DNAH5: variants seen among roughly 807,000 people sequenced by gnomAD.
DNAH5 encodes the protein axonemal beta dynein heavy chain 5.
A neutral mutation model predicts 518.2 loss-of-function variants in DNAH5; 372 were observed. The ratio of observed to expected loss-of-function variants is 0.72; its 90% CI spans 0.66 to 0.78. DNAH5 has a LOEUF of 0.78. DNAH5 is among the 30% of genes least tolerant of loss of function. The pLI is 0.00. For synonymous variants in DNAH5, 2,039 were observed against 2,025.9 expected, an observed-to-expected ratio of 1.01 and a Z score of -0.17; for missense variants, 5,523 against 5,687.0, an observed-to-expected ratio of 0.97 and a Z score of 0.93.
intron 24 of DNAH5, among the ~76,000 whole-genome samples, chr5:13,870,365 T>C (rs1256556641): frequency 6.6e-6 from 1 of 152,170 alleles, no homozygotes; most frequent in African/African-American, 2.4e-5. Context: ...CATTTCCTAC[T>C]GACTTAGGAG....
intron 45 of DNAH5, among the ~76,000 whole-genome samples, 159 bp downstream of exon 45, chr5:13,809,900 A>G (rs1047548732): frequency 6.6e-6 from 1 of 152,256 alleles, no homozygotes; most frequent in Non-Finnish European, 1.5e-5. Context: ...GATTTTTTAA[A>G]AAGAAACCAC....
intron 76 of DNAH5, among the ~76,000 whole-genome samples, chr5:13,705,236 C>T (rs1227569284): frequency 6.6e-6 from 1 of 152,076 alleles, no homozygotes; most frequent in Non-Finnish European, 1.5e-5. Flanking sequence ...CCTTGTGATC[C>T]GCCTGCCTTG....
At chr5:13,937,554 TG>T (rs1319221732) in intron 1 of DNAH5, among the ~76,000 whole-genome samples, 2 of 122,456 alleles carry the variant, frequency 1.6e-5, no homozygotes, top group African/African-American at 7.5e-5. Flanking sequence ...TACTCACTGC[TG>T]CTTCCATCTG....
At chr5:13,916,731 T>C (rs536161875) in intron 8 of DNAH5, among the ~76,000 whole-genome samples, 2 of 152,176 alleles carry the variant, frequency 1.3e-5, no homozygotes, top group South Asian at 2.1e-4. Context: ...GGATAAACTG[T>C]TAATAACAGT....
At chr5:13,902,167 C>A (rs1774718116) in intron 12 of DNAH5, 29 bp from the exon 13 acceptor site, 4 of 1,503,900 alleles carry the variant, frequency 2.7e-6, no homozygotes, top group South Asian at 2.3e-5. Flanking sequence ...TGATGATGAA[C>A]AATAGAATTG....
chr5:13,983,184 G>A (rs906133837), intron 1 of DNAH5, among the ~76,000 whole-genome samples: 2 of 152,188 alleles, frequency 1.3e-5, no homozygotes, highest in Non-Finnish European at 2.9e-5. Context: ...GTGCCCAGCT[G>A]CCTCCATGCT....
At chr5:13,810,329 T>C (rs1760452992) in intron 44 of DNAH5, 69 bp from the exon 45 acceptor site, 1 of 1,366,244 alleles carries the variant, frequency 7.3e-7, no homozygotes, top group African/African-American at 1.5e-5. Context: ...AGGGTTTCAA[T>C]GGGAACAGTA....
chr5:13,863,568 A>G (rs1166920442), intron 28 of DNAH5, among the ~76,000 whole-genome samples: 3 of 151,734 alleles, frequency 2.0e-5, no homozygotes, highest in Non-Finnish European at 4.4e-5. Context: ...TCCCTTCATC[A>G]CCGAATTCTC....
At chr5:13,846,986 C>G (rs367893013) in intron 31 of DNAH5, among the ~76,000 whole-genome samples, 102 of 152,318 alleles carry the variant, frequency 6.7e-4, no homozygotes, top group African/African-American at 2.3e-3. Context: ...ATCCTCCTTA[C>G]AGTAGCCCGG....
intron 1 of DNAH5, among the ~76,000 whole-genome samples, chr5:13,967,356 A>C (rs1781593480): frequency 6.6e-6 from 1 of 152,168 alleles, no homozygotes; most frequent in Non-Finnish European, 1.5e-5. Flanking sequence ...TTTTTGTGTA[A>C]GGTGAGAGTT....
At position 13,867,911 on chromosome 5, in the gene DNAH5, A is replaced by G. The variant is rs1157062467; in HGVS notation, c.3916T>C (p.Trp1306Arg). 1.2e-6 allele frequency: 2 copies of G among 1,614,066 alleles called. No individual in the cohort carries two copies. The highest frequency in any genetic ancestry group is 2.2e-5 in the East Asian group (1 of 44,876). ...CCAGCACGTGCCAGCAGCTTCTCCCAAGCATAGTGCAGTGTATCAACTTTG... is the reference window on the plus strand; with the variant it reads ...CCAGCACGTGCCAGCAGCTTCTCCCGAGCATAGTGCAGTGTATCAACTTTG... ...IDKVDTLHYA[W>R]EKLLARAGEV... The change falls in exon 25 of 79, where the codon TGG (tryptophan) becomes CGG (arginine). Residue 1306 changes from tryptophan to arginine, a missense_variant. Trp to Arg is a moderately radical substitution (Grantham distance 101, BLOSUM62 -3). Transcript: ENST00000265104.
chr5:13,976,064 G>A (rs1165816353), intron 1 of DNAH5, among the ~76,000 whole-genome samples: 1 of 152,226 alleles, frequency 6.6e-6, no homozygotes, highest in Non-Finnish European at 1.5e-5. Flanking sequence ...TAAGTTCTGA[G>A]GAGAGAGATA....
intron 30 of DNAH5, among the ~76,000 whole-genome samples, chr5:13,852,667 G>A (rs1194751589): frequency 6.6e-6 from 1 of 152,202 alleles, no homozygotes; most frequent in East Asian, 1.9e-4. Context: ...GACCGGGAAT[G>A]CTCCAGCTTG....
chr5:13,869,592 C>T (rs1769784438), intron 24 of DNAH5, among the ~76,000 whole-genome samples: 1 of 151,968 alleles, frequency 6.6e-6, no homozygotes, highest in Non-Finnish European at 1.5e-5. Context: ...TTACTCATTT[C>T]TAATGATGAT....
chr5:13,927,731 T>C (rs538422618), intron 3 of DNAH5, among the ~76,000 whole-genome samples: 1 of 152,322 alleles, frequency 6.6e-6, no homozygotes, highest in East Asian at 1.9e-4. Context: ...GTGCCCATTA[T>C]AAGTTCTAGA....
chr5:13,814,033 T>C (rs1761083230), intron 43 of DNAH5, among the ~76,000 whole-genome samples: 1 of 152,192 alleles, frequency 6.6e-6, no homozygotes, highest in Admixed American at 6.5e-5. Flanking sequence ...GCAAGGCATT[T>C]ATTTATAATA....
At chr5:13,853,628 A>T (rs755478134) in intron 30 of DNAH5, among the ~76,000 whole-genome samples, 1 of 152,064 alleles carries the variant, frequency 6.6e-6, no homozygotes, top group Non-Finnish European at 1.5e-5. Flanking sequence ...ACCTTGATAA[A>T]AGGTTAGAGA....
intron 67 of DNAH5, 53 bp from the exon 68 acceptor site, chr5:13,735,374 C>A: frequency 6.5e-7 from 1 of 1,529,880 alleles, no homozygotes; most frequent in South Asian, 1.1e-5. Context: ...TTTCAATTGT[C>A]TGTAAAAACA....
chr5:13,760,739 C>T (rs547404943), intron 60 of DNAH5, among the ~76,000 whole-genome samples: 372 of 152,308 alleles, frequency 2.4e-3, no homozygotes, highest in Non-Finnish European at 3.4e-3. Flanking sequence ...CTAAGAGATT[C>T]CACCTGGAAT....
Sources: gnomAD v4.1 joint callset for allele counts (sites outside exome capture counted in the v4.1 genomes callset) on GRCh38, gnomAD v4.1.1 for gene constraint, MANE v1.5 for transcripts, NCBI Gene and HGNC (gene_info 2026-07-23, HGNC 2026-07-21) for gene names.